The following LOC128125818 variants were observed in gnomAD, a reference collection of about 807,000 sequenced individuals.
the LOC128125818 span, among the ~76,000 whole-genome samples, chr4:6,069,537 C>T: frequency 6.6e-6 from 1 of 152,052 alleles, no homozygotes; most frequent in Non-Finnish European, 1.5e-5. This position sits in a 1 kb window ranked among gnomAD's most constrained non-coding sequence, Gnocchi z 4.5. Flanking sequence ...TCGCTTGAGC[C>T]CAGGAGTTCA....
the LOC128125818 span, among the ~76,000 whole-genome samples, chr4:6,067,669 G>A: frequency 6.9e-6 from 1 of 144,188 alleles, no homozygotes; most frequent in Non-Finnish European, 1.5e-5. The surrounding 1 kb of genome is among the most constrained non-coding windows in gnomAD (Gnocchi z 4.6). Context: ...GTCACCCCCT[G>A]AGCTCCAGGT....
the LOC128125818 span, chr4:6,070,055 AC>A: frequency 2.5e-6 from 1 of 398,804 alleles, no homozygotes; most frequent in Non-Finnish European, 4.4e-6. Flanking sequence ...CCAGCTGCCT[AC>A]CTTCATGCTT....
the LOC128125818 span, chr4:6,065,142 T>C: frequency 8.9e-7 from 1 of 1,119,662 alleles, no homozygotes; most frequent in Non-Finnish European, 1.3e-6. The surrounding 1 kb of genome is among the most constrained non-coding windows in gnomAD (Gnocchi z 5.1). Context: ...AAGATGCGGT[T>C]GGTGGGCTTC....
the LOC128125818 span, among the ~76,000 whole-genome samples, chr4:6,066,224 A>T: frequency 6.6e-6 from 1 of 152,040 alleles, no homozygotes; most frequent in African/African-American, 2.4e-5. Flanking sequence ...TTTTACCCAG[A>T]TATCTGTAAA....
chr4:6,065,295 C>T, the LOC128125818 span, among the ~76,000 whole-genome samples: 3 of 152,198 alleles, frequency 2.0e-5, no homozygotes, highest in African/African-American at 7.2e-5. The surrounding 1 kb of genome is among the most constrained non-coding windows in gnomAD (Gnocchi z 5.1). Context: ...CCTGGAGCAC[C>T]AGCCTCCTTC....
chr4:6,065,120 C>T, the LOC128125818 span: 1 of 1,335,112 alleles, frequency 7.5e-7, no homozygotes, highest in Non-Finnish European at 1.1e-6. This position sits in a 1 kb window ranked among gnomAD's most constrained non-coding sequence, Gnocchi z 5.1. Context: ...ATTTGGGCCA[C>T]TGGGGCATCA....
chr4:6,066,832 G>C, the LOC128125818 span, among the ~76,000 whole-genome samples: 6 of 152,026 alleles, frequency 3.9e-5, no homozygotes, highest in Admixed American at 3.3e-4. Flanking sequence ...AGTGGTCTGC[G>C]AGGCCCTACA....
chr4:6,065,322 A>G, the LOC128125818 span, among the ~76,000 whole-genome samples: 1 of 152,206 alleles, frequency 6.6e-6, no homozygotes, highest in Non-Finnish European at 1.5e-5. The surrounding 1 kb of genome is among the most constrained non-coding windows in gnomAD (Gnocchi z 5.1). Flanking sequence ...AAATGGATTG[A>G]GAAGCCACCT....
the LOC128125818 span, among the ~76,000 whole-genome samples, chr4:6,069,503 C>T: frequency 6.6e-6 from 1 of 152,152 alleles, no homozygotes; most frequent in Non-Finnish European, 1.5e-5. The surrounding 1 kb of genome is among the most constrained non-coding windows in gnomAD (Gnocchi z 4.5). Flanking sequence ...AATCCCAGCA[C>T]TTTGGGAGGC....
the LOC128125818 span, chr4:6,065,045 G>A: frequency 3.1e-6 from 5 of 1,613,152 alleles, no homozygotes; most frequent in East Asian, 1.1e-4. The surrounding 1 kb of genome is among the most constrained non-coding windows in gnomAD (Gnocchi z 5.1). Flanking sequence ...AGCAACGACT[G>A]AGGATTGCCA....
At chr4:6,068,558 C>CA in the LOC128125818 span, among the ~76,000 whole-genome samples, 1 of 136,312 alleles carries the variant, frequency 7.3e-6, no homozygotes, top group South Asian at 2.3e-4. Context: ...AATTTTTTAA[C>CA]TTTTTTTTTT....
At chr4:6,068,349 C>G in the LOC128125818 span, among the ~76,000 whole-genome samples, 2 of 152,136 alleles carry the variant, frequency 1.3e-5, no homozygotes, top group Non-Finnish European at 2.9e-5. Flanking sequence ...GAGACCAAGA[C>G]TCCACAGAAC....
chr4:6,067,449 C>T, the LOC128125818 span, among the ~76,000 whole-genome samples: 1 of 152,188 alleles, frequency 6.6e-6, no homozygotes, highest in African/African-American at 2.4e-5. This position sits in a 1 kb window ranked among gnomAD's most constrained non-coding sequence, Gnocchi z 4.6. Flanking sequence ...CAATCATCTA[C>T]TCAAATCTCC....
chr4:6,066,226 A>G, the LOC128125818 span, among the ~76,000 whole-genome samples: 3 of 152,086 alleles, frequency 2.0e-5, no homozygotes, highest in African/African-American at 7.2e-5. Flanking sequence ...TTACCCAGAT[A>G]TCTGTAAATG....
At chr4:6,069,111 G>C in the LOC128125818 span, among the ~76,000 whole-genome samples, 2 of 152,172 alleles carry the variant, frequency 1.3e-5, no homozygotes, top group African/African-American at 4.8e-5. The surrounding 1 kb of genome is among the most constrained non-coding windows in gnomAD (Gnocchi z 4.5). Context: ...AACTGGTTTT[G>C]CACTGCATTT....
chr4:6,065,100 G>A, the LOC128125818 span: 6 of 1,502,518 alleles, frequency 4.0e-6, no homozygotes, highest in African/African-American at 1.4e-5. This position sits in a 1 kb window ranked among gnomAD's most constrained non-coding sequence, Gnocchi z 5.1. Flanking sequence ...GCAGGGGGGT[G>A]ATGATTGACA....
At chr4:6,067,429 A>G in the LOC128125818 span, among the ~76,000 whole-genome samples, 1 of 152,176 alleles carries the variant, frequency 6.6e-6, no homozygotes, top group Non-Finnish European at 1.5e-5. This position sits in a 1 kb window ranked among gnomAD's most constrained non-coding sequence, Gnocchi z 4.6. Context: ...CTCCTTGCAG[A>G]GGCTGGAGAC....
the LOC128125818 span, among the ~76,000 whole-genome samples, chr4:6,067,702 A>G: frequency 1.3e-3 from 179 of 132,596 alleles, no homozygotes; most frequent in Admixed American, 2.2e-3. The surrounding 1 kb of genome is among the most constrained non-coding windows in gnomAD (Gnocchi z 4.6). Flanking sequence ...TTCTGCACAC[A>G]CAGGTCACCC....
chr4:6,067,854 C>T, the LOC128125818 span, among the ~76,000 whole-genome samples: 1 of 151,246 alleles, frequency 6.6e-6, no homozygotes, highest in Admixed American at 6.6e-5. The surrounding 1 kb of genome is among the most constrained non-coding windows in gnomAD (Gnocchi z 4.6). Flanking sequence ...ACGCAGGTCA[C>T]CCCCCTGAGC....
Sources: gnomAD v4.1 joint callset for allele counts (sites outside exome capture counted in the v4.1 genomes callset) on GRCh38, gnomAD v4.1.1 for gene constraint, Gnocchi (gnomAD v3.1) non-coding constraint, MANE v1.5 for transcripts.